Variants in PPP2R5A observed in about 807,000 individuals in gnomAD.
The protein encoded by PPP2R5A is protein phosphatase 2 regulatory subunit B'alpha, also known as serine/threonine-protein phosphatase 2A 56 kDa regulatory subunit alpha isoform.
PPP2R5A carries 25 observed loss-of-function variants against 64.2 expected under a neutral mutation model. That is an observed-to-expected ratio of 0.39 (90% CI 0.28 to 0.54). PPP2R5A has a LOEUF of 0.54. Among genes scored for constraint, PPP2R5A ranks in the 20% least tolerant of loss-of-function variants. The pLI is 0.67. For missense variants in PPP2R5A, 425 were observed against 576.3 expected (o/e 0.74, Z 2.69); for synonymous variants, 198 against 201.2 (o/e 0.98, Z 0.13).
At chr1:212,354,985 T>C (rs1168708039) in intron 8 of PPP2R5A, among the ~76,000 whole-genome samples, 1 of 152,214 alleles carries the variant, frequency 6.6e-6, no homozygotes, top group Non-Finnish European at 1.5e-5. Context: ...CTGTGACATT[T>C]AAATGATGAA....
chr1:212,356,505 A>G (rs1659979775), intron 8 of PPP2R5A, 121 bp from the exon 9 acceptor site: 1 of 884,124 alleles, frequency 1.1e-6, no homozygotes, highest in Non-Finnish European at 1.7e-6. Context: ...ATTTATACAC[A>G]TATATTAAGC....
intron 1 of PPP2R5A, among the ~76,000 whole-genome samples, chr1:212,319,160 T>C (rs1290768999): frequency 6.6e-6 from 1 of 152,166 alleles, no homozygotes; most frequent in Non-Finnish European, 1.5e-5. Context: ...TTGGACCTCT[T>C]GTAATAATTA....
In PPP2R5A at chr1:212,356,962, G is replaced by A; in HGVS notation, c.991G>A (p.Gly331Arg). The stretch of plus-strand genomic sequence containing the variant: ...TTTTTTAACCTAGGTGATGTTTTTA[G>A]GAGAAATTGAAGAAATCTTAGATGT... ...TCSQKEVMFL[G>R]EIEEILDVIE... The change falls in exon 10 of 13, where the codon GGA becomes AGA. Residue 331 changes from glycine to arginine, a missense_variant. This residue lies in a region of PPP2R5A where 177 missense variants were observed against 244.8 expected (regional missense o/e 0.72). Coordinates refer to ENST00000261461, the MANE Select transcript of PPP2R5A (RefSeq NM_006243.4). 1 of 1,572,866 alleles carries A rather than the reference G, an allele frequency of 6.4e-7. No homozygotes were observed. Among genetic ancestry groups the A allele is most frequent in the Non-Finnish European group, 8.6e-7 (1 of 1,159,372 alleles).
At chr1:212,354,956 A>G (rs1338037486) in intron 8 of PPP2R5A, among the ~76,000 whole-genome samples, 1 of 152,184 alleles carries the variant, frequency 6.6e-6, no homozygotes, top group Non-Finnish European at 1.5e-5. Flanking sequence ...AGGCCATACC[A>G]TCTAGGTTTA....
chr1:212,356,701 T>G, intron 9 of PPP2R5A, 25 bp downstream of exon 9: 1 of 1,604,148 alleles, frequency 6.2e-7, no homozygotes, highest in Non-Finnish European at 8.5e-7. Context: ...CTAAATGTAG[T>G]GCATTTTACT....
chr1:212,290,441 A>G (rs1049871383), intron 1 of PPP2R5A, among the ~76,000 whole-genome samples: 3 of 152,154 alleles, frequency 2.0e-5, no homozygotes, highest in Non-Finnish European at 4.4e-5. Context: ...TGTTAAGAAA[A>G]TTGTTTACAA....
At chr1:212,360,598 G>A (rs1660061895) in intron 12 of PPP2R5A, 40 bp from the exon 13 acceptor site, 2 of 1,484,966 alleles carry the variant, frequency 1.3e-6, no homozygotes, top group Non-Finnish European at 1.8e-6. Context: ...TTTGGGTTCT[G>A]AAATAATTTC....
intron 1 of PPP2R5A, chr1:212,319,646 GT>G (rs1659227333): frequency 7.1e-6 from 1 of 140,300 alleles, no homozygotes; most frequent in Admixed American, 7.1e-5. Context: ...TTGAGACGGA[GT>G]TTTGCTCTTG....
At chr1:212,353,955 C>G (rs1188803219) in intron 8 of PPP2R5A, among the ~76,000 whole-genome samples, 3 of 151,930 alleles carry the variant, frequency 2.0e-5, no homozygotes, top group Non-Finnish European at 2.9e-5. Flanking sequence ...GAGGCCGAGG[C>G]GGGTAGATCA....
At chr1:212,313,756 T>G (rs1467905337) in intron 1 of PPP2R5A, 2 of 152,172 alleles carry the variant, frequency 1.3e-5, no homozygotes, top group African/African-American at 2.4e-5. Context: ...GCCTTATTTT[T>G]TTTTCCTCAG....
intron 8 of PPP2R5A, among the ~76,000 whole-genome samples, chr1:212,351,548 T>C (rs1292880325): frequency 6.6e-6 from 1 of 152,078 alleles, no homozygotes; most frequent in African/African-American, 2.4e-5. Flanking sequence ...ACCCCATCCC[T>C]ACTAAAAATA....
chr1:212,358,546 CCT>C, intron 11 of PPP2R5A, 138 bp from the exon 12 acceptor site: 1 of 571,322 alleles, frequency 1.8e-6, no homozygotes, highest in Non-Finnish European at 3.1e-6. Flanking sequence ...ATATTACAAA[CCT>C]CTTGAGCCTC....
chr1:212,335,432 G>A (rs758559941), intron 3 of PPP2R5A, among the ~76,000 whole-genome samples: 6 of 149,808 alleles, frequency 4.0e-5, no homozygotes, highest in Non-Finnish European at 8.9e-5. Context: ...CCGAGATTGC[G>A]CCATTGCACT....
chr1:212,286,397 C>A, intron 1 of PPP2R5A, 106 bp downstream of exon 1: 1 of 1,270,008 alleles, frequency 7.9e-7, no homozygotes, highest in Non-Finnish European at 1.0e-6. Context: ...TCAGTTGGGA[C>A]TGGTAGTGTG....
At chr1:212,356,795 G>C in intron 9 of PPP2R5A, 119 bp downstream of exon 9, 1 of 1,320,358 alleles carries the variant, frequency 7.6e-7, no homozygotes, top group Admixed American at 2.6e-5. Context: ...GATGTACACA[G>C]ACTTGGTAGA....
chr1:212,299,246 G>T (rs1185773801), intron 1 of PPP2R5A: 1 of 19,442 alleles, frequency 5.1e-5, no homozygotes, highest in East Asian at 5.5e-4. Context: ...CCCAGACGGG[G>T]TGGTTGCCAG....
rs2102453156 is a variant in PPP2R5A, at chr1:212,360,869, A to T, written c.*99A>T. The T allele has an allele frequency of 1.7e-6, 2 of 1,209,814 alleles. No homozygotes were observed. The highest frequency in any genetic ancestry group is 6.8e-5 in the Admixed American group (2 of 29,564). 74.9% of individuals were successfully genotyped at this position (1,209,814 alleles called of 1,614,324 possible). ...CAAACCTCATCAGTATAATATAATT[A>T]AAAGGCCAATTTTTTCTGGCAACTG... is the stretch of plus-strand genomic sequence containing the variant. On this transcript the variant is annotated 3_prime_UTR_variant, in exon 13 of 13. Coordinates refer to ENST00000261461, the MANE Select transcript of PPP2R5A (RefSeq NM_006243.4).
chr1:212,293,828 T>C (rs1206399278), intron 1 of PPP2R5A, among the ~76,000 whole-genome samples: 1 of 152,188 alleles, frequency 6.6e-6, no homozygotes, highest in African/African-American at 2.4e-5. Context: ...TTATATCTAG[T>C]TGAGCTTTCC....
intron 1 of PPP2R5A, among the ~76,000 whole-genome samples, chr1:212,306,522 A>G (rs1658907269): frequency 6.6e-6 from 1 of 152,172 alleles, no homozygotes; most frequent in South Asian, 2.1e-4. Flanking sequence ...TGTATATGTC[A>G]AACATTTACC....
Sources: allele counts gnomAD v4.1 joint callset (sites outside exome capture counted in the v4.1 genomes callset), GRCh38; gene constraint gnomAD v4.1.1; regional missense constraint gnomAD v4.1.1; transcripts MANE v1.5; gene names NCBI Gene and HGNC (gene_info 2026-07-23, HGNC 2026-07-21).